KIF5C: variants seen among roughly 807,000 people sequenced by gnomAD.
KIF5C encodes the protein kinesin heavy chain isoform 5C.
KIF5C carries 18 observed loss-of-function variants against 125.2 expected under a neutral mutation model. The ratio of observed to expected loss-of-function variants is 0.14; its 90% CI spans 0.10 to 0.21. KIF5C has a LOEUF of 0.21. Among genes scored for constraint, KIF5C ranks in the 10% least tolerant of loss-of-function variants. KIF5C has a pLI of 1.00. For missense variants in KIF5C, 780 were observed against 1,183.8 expected (o/e 0.66, Z 5.01); for synonymous variants, 405 against 434.0 (o/e 0.93, Z 0.83).
intron 10 of KIF5C, among the ~76,000 whole-genome samples, chr2:148,953,309 G>C (rs993886259): frequency 1.3e-5 from 2 of 152,196 alleles, no homozygotes; most frequent in African/African-American, 4.8e-5. Flanking sequence ...ATGCCATTAC[G>C]TCCAGAAGTT....
At chr2:148,974,558 A>C (rs1574803733) in intron 12 of KIF5C, among the ~76,000 whole-genome samples, 1 of 152,190 alleles carries the variant, frequency 6.6e-6, no homozygotes, top group South Asian at 2.1e-4. Context: ...AACACATTTA[A>C]TAAAATATTC....
At chr2:148,970,847 C>T (rs1052954901) in intron 11 of KIF5C, among the ~76,000 whole-genome samples, 5 of 152,210 alleles carry the variant, frequency 3.3e-5, no homozygotes, top group Non-Finnish European at 7.3e-5. Flanking sequence ...ACCATTGCCT[C>T]TTTGGCCATT....
chr2:148,879,691 T>C (rs1681293688), intron 1 of KIF5C: 1 of 152,230 alleles, frequency 6.6e-6, no homozygotes. Flanking sequence ...TACTTTGGGT[T>C]CTGCCTATTG....
intron 23 of KIF5C, among the ~76,000 whole-genome samples, chr2:149,009,633 G>T (rs553297866): frequency 3.9e-5 from 6 of 152,230 alleles, no homozygotes; most frequent in Non-Finnish European, 8.8e-5. Context: ...TCTTACCTTA[G>T]CCTCTGGATG....
intron 4 of KIF5C, among the ~76,000 whole-genome samples, chr2:148,941,047 C>T (rs997341235): frequency 2.0e-5 from 3 of 152,160 alleles, no homozygotes; most frequent in African/African-American, 7.2e-5. Flanking sequence ...AATGGGAAGG[C>T]CTCCTTTTCT....
At position 148,941,918 on chromosome 2, in the gene KIF5C, C is replaced by T. The variant is rs750002957; in HGVS notation, c.446-17C>T. 83 of 1,606,654 alleles carry T rather than the reference C, an allele frequency of 5.2e-5. No individual in the cohort carries two copies. Among genetic ancestry groups the T allele is most frequent in the African/African-American group, 6.7e-5 (5 of 74,512 alleles). On this transcript the variant is annotated splice_polypyrimidine_tract_variant and intron_variant, in intron 5 of 25. Transcript: ENST00000435030. The stretch of plus-strand genomic sequence containing the variant: ...TTTTATTTTCTTCTTTGCCTGCTGT[C>T]ATTCTCATCTTTTTAGTATCCAAGA...
intron 1 of KIF5C, among the ~76,000 whole-genome samples, chr2:148,916,679 G>C (rs1681565486): frequency 6.6e-6 from 1 of 151,706 alleles, no homozygotes; most frequent in South Asian, 2.1e-4. Context: ...ACCACATCTT[G>C]AGCAAAACTC....
In KIF5C at chr2:149,010,371, C is replaced by T. The variant is rs890281605; in HGVS notation, c.2767+20C>T. ...AGATCGGTACGTGCGTGCACAGTGG[C>T]GCCCGGGGTTTGAGAAGCTACTGCG... On this transcript the variant is annotated intron_variant, in intron 24 of 25. Transcript: ENST00000435030. 10 of 1,524,878 alleles carry T rather than the reference C, an allele frequency of 6.6e-6. No individual in the cohort carries two copies. The highest frequency in any genetic ancestry group is 4.4e-5 in the Admixed American group (2 of 45,728). The allele number at this position is 1,524,878 out of a possible 1,614,324, so 94.5% of individuals were successfully genotyped here.
intron 13 of KIF5C, 120 bp downstream of exon 13, chr2:148,979,110 A>C (rs1159570560): frequency 1.6e-6 from 2 of 1,288,810 alleles, no homozygotes; most frequent in African/African-American, 3.1e-5. Context: ...TCATGTGGAA[A>C]TTTCTTGGTA....
At chr2:148,997,186 T>G in intron 17 of KIF5C, 78 bp from the exon 18 acceptor site, 1 of 1,536,826 alleles carries the variant, frequency 6.5e-7, no homozygotes, top group African/African-American at 1.4e-5. Flanking sequence ...TTTTTCTTGC[T>G]TTTTGTTTTT....
intron 4 of KIF5C, among the ~76,000 whole-genome samples, chr2:148,940,478 C>T (rs745880630): frequency 6.6e-5 from 10 of 152,076 alleles, no homozygotes; most frequent in Non-Finnish European, 8.8e-5. Flanking sequence ...AGTTCCAGAC[C>T]GAGGCACATT....
intron 1 of KIF5C, among the ~76,000 whole-genome samples, chr2:148,914,973 T>C (rs1044560636): frequency 6.6e-6 from 1 of 152,148 alleles, no homozygotes; most frequent in African/African-American, 2.4e-5. Flanking sequence ...ATAATGGTGA[T>C]GGAAAAGAGC....
intron 1 of KIF5C, among the ~76,000 whole-genome samples, chr2:148,886,639 T>C (rs1005950795): frequency 3.9e-5 from 6 of 152,182 alleles, no homozygotes; most frequent in African/African-American, 1.4e-4. Flanking sequence ...CTGGTACTAA[T>C]GTCATCATGA....
intron 3 of KIF5C, among the ~76,000 whole-genome samples, chr2:148,930,873 G>A (rs1682165554): frequency 6.6e-6 from 1 of 152,114 alleles, no homozygotes; most frequent in Admixed American, 6.5e-5. Flanking sequence ...ACTGCAGAAC[G>A]TCTTGGAAAC....
chr2:148,930,382 A>G (rs567191363), intron 3 of KIF5C, among the ~76,000 whole-genome samples: 5 of 151,680 alleles, frequency 3.3e-5, no homozygotes, highest in East Asian at 1.9e-4. Context: ...GAGCCTGATA[A>G]TTCTTCTAAA....
Position 148,875,695 on chromosome 2 carries a change from G to C in KIF5C, c.78G>C (p.Gly26=). 1 of 1,596,776 alleles carries C rather than the reference G, an allele frequency of 6.3e-7. No individual in the cohort carries two copies. Among genetic ancestry groups the C allele is most frequent in the Non-Finnish European group, 8.5e-7 (1 of 1,171,990 alleles). The change falls in exon 1 of 26, where the codon GGG becomes GGC. Residue 26 remains glycine (G), a synonymous_variant. Coordinates refer to ENST00000435030, the MANE Select transcript of KIF5C (RefSeq NM_004522.3). ...TCAACGAAGCGGAGATCCTCCGCGG[G>C]GACAAATTCATCCCCAAATTTAAAG... ...RPLNEAEILR[G]DKFIPKFKGD...
intron 12 of KIF5C, among the ~76,000 whole-genome samples, chr2:148,974,309 T>C (rs368635551): frequency 6.6e-5 from 10 of 152,358 alleles, no homozygotes; most frequent in Admixed American, 1.3e-4. Flanking sequence ...ATCTTTTCTA[T>C]TGTGGTTCAG....
chr2:148,903,231 T>C (rs745404436), intron 1 of KIF5C, among the ~76,000 whole-genome samples: 2 of 152,204 alleles, frequency 1.3e-5, no homozygotes, highest in Non-Finnish European at 2.9e-5. Flanking sequence ...CATGTTGCCT[T>C]TAAAAACTTT....
At chr2:148,901,475 T>C (rs1222265070) in intron 1 of KIF5C, among the ~76,000 whole-genome samples, 2 of 152,202 alleles carry the variant, frequency 1.3e-5, no homozygotes, top group South Asian at 2.1e-4. Flanking sequence ...TTATACTTTA[T>C]ACCTTTAAAA....
Sources: allele counts gnomAD v4.1 joint callset (sites outside exome capture counted in the v4.1 genomes callset), GRCh38; gene constraint gnomAD v4.1.1; transcripts MANE v1.5; gene names NCBI Gene and HGNC (gene_info 2026-07-23, HGNC 2026-07-21).